ASTN2: variants seen among roughly 807,000 people sequenced by gnomAD.
ASTN2 encodes astrotactin 2, also known as astrotactin-2.
Under a neutral mutation model 139.8 loss-of-function variants are expected in ASTN2, and 54 were observed. The observed-to-expected ratio is 0.39, with a 90% confidence interval of 0.31 to 0.48. The LOEUF (loss-of-function observed/expected upper bound fraction) is 0.48. Ranked by LOEUF, ASTN2 falls within the 20% of genes least tolerant of loss-of-function variation. The probability of loss-of-function intolerance (pLI) is 0.95; values close to 1 mark genes in which losing one functional copy is unlikely to be tolerated. For synonymous variants in ASTN2, 756 were observed against 719.5 expected (o/e 1.05, Z -0.81); for missense variants, 1,565 against 1,725.1 (o/e 0.91, Z 1.64).
intron 15 of ASTN2, among the ~76,000 whole-genome samples, chr9:116,728,487 G>C (rs1420433633): frequency 6.6e-6 from 1 of 152,078 alleles, no homozygotes; most frequent in Non-Finnish European, 1.5e-5. Flanking sequence ...ATCTGTTGGA[G>C]CTTAAAGTTC....
intron 16 of ASTN2, among the ~76,000 whole-genome samples, chr9:116,685,450 A>G (rs1309000798): frequency 6.6e-6 from 1 of 152,212 alleles, no homozygotes; most frequent in Non-Finnish European, 1.5e-5. Context: ...GTCTTGATGA[A>G]TCAGCTCTGT....
rs369375701 is a variant in ASTN2, at chr9:116,535,494, C to T, written c.3356-47994G>A. ...CAATTTGGCGTGTTTTTGCTGGTAC[C>T]GGTTGTTCCTTTCCATGTTTAGTTC... On this transcript the variant is annotated intron_variant, in intron 19 of 22. Coordinates refer to ENST00000313400, the MANE Select transcript of ASTN2 (RefSeq NM_001365068.1). Among the ~76,000 whole-genome samples the T allele has an allele frequency of 9.9e-5, 15 of 151,888 alleles. 1 individual carries two copies. The South Asian group carries it at 1.7e-3, about 17-fold the overall frequency.
chr9:117,130,126 G>A (rs1447597970), intron 4 of ASTN2, among the ~76,000 whole-genome samples: 1 of 152,092 alleles, frequency 6.6e-6, no homozygotes, highest in African/African-American at 2.4e-5. Flanking sequence ...GGGCAGCATG[G>A]TGAAACCCCA....
At position 116,491,150 on chromosome 9, in the gene ASTN2, G is replaced by T. The variant is rs539986635; in HGVS notation, c.3356-3650C>A. ...ACTAGTCATACCAAGATCATTATAA[G>T]GATATTTAGTGCCCAGTTCTATTCA... On this transcript the variant is annotated intron_variant, in intron 19 of 22. Transcript: ENST00000313400. Among the ~76,000 whole-genome samples the T allele has an allele frequency of 1.9e-4, 29 of 152,246 alleles. No homozygotes were observed. The South Asian group carries it at 5.8e-3, about 30-fold the overall frequency.
chr9:116,976,619 T>C (rs1836347306), intron 8 of ASTN2, 82 bp downstream of exon 8: 4 of 1,222,508 alleles, frequency 3.3e-6, no homozygotes, highest in Non-Finnish European at 4.7e-6. Context: ...TTTGTGGAGA[T>C]GCTTGGGGCC....
In ASTN2 at chr9:116,652,992, C is replaced by T. The variant is rs116096895; in HGVS notation, c.2807-1199G>A. 5.9e-3 allele frequency among the ~76,000 whole-genome samples: 898 copies of T among 152,298 alleles called. 12 individuals carry two copies. Among genetic ancestry groups the T allele is most frequent in the African/African-American group, 0.021 (867 of 41,566 alleles). On this transcript the variant is annotated intron_variant, in intron 16 of 22. Transcript: ENST00000313400. ...GTCTTTAGGGAGTCATTCTTCATTGCCCCAGCCCTTCTTTTCTGAATAAGT... is the reference window on the plus strand; with the variant it reads ...GTCTTTAGGGAGTCATTCTTCATTGTCCCAGCCCTTCTTTTCTGAATAAGT...
chr9:117,258,465 G>C (rs1833743539), intron 2 of ASTN2, among the ~76,000 whole-genome samples: 1 of 152,142 alleles, frequency 6.6e-6, no homozygotes, highest in Non-Finnish European at 1.5e-5. Context: ...TATTGTCTGT[G>C]TGACAGTTTG....
chr9:116,579,671 A>G (rs943648670), intron 19 of ASTN2, among the ~76,000 whole-genome samples: 2 of 152,196 alleles, frequency 1.3e-5, no homozygotes, highest in Non-Finnish European at 2.9e-5. Flanking sequence ...ACTTAAGCCC[A>G]GGAATTTGAG....
intron 15 of ASTN2, among the ~76,000 whole-genome samples, chr9:116,726,308 C>T (rs982612508): frequency 1.3e-5 from 2 of 152,158 alleles, no homozygotes. Context: ...ATGTTTCACC[C>T]TCTTTATGTA....
rs1444082901 is a variant in ASTN2 at position 117,414,455 on chromosome 9, G to C, written c.442+42C>G. Reference sequence around the variant, plus strand: ...CCCGTCCGGCATGACGCAGGGGCTCGGGGTTCCTTGGGATCTAGCGCGTGC... The same window carrying C: ...CCCGTCCGGCATGACGCAGGGGCTCCGGGTTCCTTGGGATCTAGCGCGTGC... On this transcript the variant is annotated intron_variant, in intron 1 of 22. Coordinates refer to ENST00000313400, the MANE Select transcript of ASTN2 (RefSeq NM_001365068.1). The surrounding 1 kb of genome is among the most constrained non-coding windows in gnomAD (Gnocchi z 4.2). The C allele has an allele frequency of 1.2e-6, 2 of 1,601,362 alleles. No homozygotes were observed. Among genetic ancestry groups the C allele is most frequent in the Non-Finnish European group, 1.7e-6 (2 of 1,174,322 alleles).
At chr9:116,733,054 T>A (rs2132126357) in intron 14 of ASTN2, among the ~76,000 whole-genome samples, 1 of 152,254 alleles carries the variant, frequency 6.6e-6, no homozygotes, top group East Asian at 1.9e-4. Flanking sequence ...AACAAAATAC[T>A]AACAGTGGAA....
At chr9:116,580,813 T>G (rs1267724754) in intron 19 of ASTN2, among the ~76,000 whole-genome samples, 1 of 152,062 alleles carries the variant, frequency 6.6e-6, no homozygotes, top group Non-Finnish European at 1.5e-5. Context: ...GCAAACGAGG[T>G]GTGATTTACA....
intron 19 of ASTN2, among the ~76,000 whole-genome samples, chr9:116,513,674 T>C (rs1850509278): frequency 6.6e-6 from 1 of 152,236 alleles, no homozygotes; most frequent in Non-Finnish European, 1.5e-5. Flanking sequence ...CATAGTCCCA[T>C]ATTTCTTGGA....
chr9:116,813,856 G>A (rs1031221528), intron 12 of ASTN2, among the ~76,000 whole-genome samples: 19 of 152,074 alleles, frequency 1.2e-4, no homozygotes, highest in African/African-American at 4.1e-4. Context: ...TCAACATGGC[G>A]AAACCCCATC....
intron 19 of ASTN2, among the ~76,000 whole-genome samples, chr9:116,496,371 T>C (rs7467647): frequency 6.6e-6 from 1 of 152,172 alleles, no homozygotes; most frequent in Non-Finnish European, 1.5e-5. Flanking sequence ...TTGAATTCCC[T>C]GGAAAGCAGA....
At chr9:117,379,069 A>G (rs1830198754) in intron 1 of ASTN2, among the ~76,000 whole-genome samples, 1 of 152,152 alleles carries the variant, frequency 6.6e-6, no homozygotes, top group Non-Finnish European at 1.5e-5. Context: ...GACTCCTCAG[A>G]AGCAGAAGCT....
intron 13 of ASTN2, among the ~76,000 whole-genome samples, chr9:116,783,974 G>A (rs1212320575): frequency 6.6e-6 from 1 of 151,968 alleles, no homozygotes; most frequent in Non-Finnish European, 1.5e-5. Context: ...AAGCAGGGGA[G>A]GTAAATATCA....
At chr9:117,060,414 GA>G (rs1309796717) in intron 5 of ASTN2, among the ~76,000 whole-genome samples, 1,199 of 27,152 alleles carry the variant, frequency 0.044, 73 homozygotes, top group Non-Finnish European at 0.049. Flanking sequence ...AAGAAAGAAG[GA>G]AAGGAAGGAA....
intron 1 of ASTN2, among the ~76,000 whole-genome samples, chr9:117,296,752 C>T (rs1834746917): frequency 6.6e-6 from 1 of 152,354 alleles, no homozygotes; most frequent in Admixed American, 6.5e-5. Context: ...GCCTGCCTCC[C>T]TCCCACCCTG....
Sources: gnomAD v4.1 joint callset for allele counts (sites outside exome capture counted in the v4.1 genomes callset) on GRCh38, gnomAD v4.1.1 for gene constraint, Gnocchi (gnomAD v3.1) non-coding constraint, MANE v1.5 for transcripts, NCBI Gene and HGNC (gene_info 2026-07-23, HGNC 2026-07-21) for gene names.